GRID1: variants seen among roughly 807,000 people sequenced by gnomAD.
The protein encoded by GRID1 is glutamate receptor ionotropic, delta-1.
A neutral mutation model predicts 98.0 loss-of-function variants in GRID1; 28 were observed. The ratio of observed to expected loss-of-function variants is 0.29; its 90% confidence interval spans 0.21 to 0.39. The LOEUF (loss-of-function observed/expected upper bound fraction) is 0.39, where lower values mean the gene tolerates loss of function less well. Ranked by LOEUF, GRID1 falls within the 10% of genes least tolerant of loss-of-function variation. GRID1 has a pLI of 1.00. For missense variants in GRID1, 1,111 were observed against 1,340.5 expected (o/e 0.83, Z 2.67); for synonymous variants, 553 against 538.5 (o/e 1.03, Z -0.37).
intron 3 of GRID1, among the ~76,000 whole-genome samples, chr10:86,181,323 C>G (rs1589400991): frequency 6.6e-6 from 1 of 152,068 alleles, no homozygotes; most frequent in Non-Finnish European, 1.5e-5. Context: ...GCCCCCAGGA[C>G]CTGGCTCTCC....
intron 12 of GRID1, among the ~76,000 whole-genome samples, chr10:85,700,381 C>T (rs1258297662): frequency 6.6e-6 from 1 of 152,170 alleles, no homozygotes; most frequent in African/African-American, 2.4e-5. Flanking sequence ...GACAACTATG[C>T]CTTGTTGTCT....
At chr10:86,114,336 G>T (rs948370282) in intron 4 of GRID1, among the ~76,000 whole-genome samples, 2 of 152,142 alleles carry the variant, frequency 1.3e-5, no homozygotes, top group Non-Finnish European at 2.9e-5. Flanking sequence ...CAAGCCTGGG[G>T]AGTGGACAGG....
intron 2 of GRID1, among the ~76,000 whole-genome samples, chr10:86,337,084 C>A (rs963960599): frequency 6.6e-6 from 1 of 151,892 alleles, no homozygotes; most frequent in African/African-American, 2.4e-5. Context: ...ATCTCCTGAC[C>A]TCGTGATCCG....
At position 85,599,802 on chromosome 10, in the gene GRID1, A is replaced by AAAAAAAAAAAAAAAAAAAAAAAAAATAT; in HGVS notation, c.*2470_*2471insATATTTTTTTTTTTTTTTTTTTTTTTTT. The AAAAAAAAAAAAAAAAAAAAAAAAAATAT allele has an allele frequency of 1.5e-5, 1 of 64,984 alleles. No individual in the cohort carries two copies. The highest frequency in any genetic ancestry group is 9.3e-5 in the African/African-American group (1 of 10,732). 4.0% of individuals were successfully genotyped at this position (64,984 alleles called of 1,614,324 possible). On this transcript the variant is annotated 3_prime_UTR_variant, in exon 16 of 16. Coordinates refer to ENST00000327946, the MANE Select transcript of GRID1 (RefSeq NM_017551.3). The stretch of plus-strand genomic sequence containing the variant: ...GTAGAAAATTCTAAAAAAAAAAAAA[A>AAAAAAAAAAAAAAAAAAAAAAAAAATAT]ATATATATATATATATATAAACATG...
chr10:85,646,950 G>T, intron 13 of GRID1: 4 of 530,520 alleles, frequency 7.5e-6, no homozygotes, highest in Non-Finnish European at 1.4e-5. Context: ...CCATGAGGAG[G>T]GTGGGCCAAA....
chr10:85,919,802 A>G (rs1841676494), intron 4 of GRID1, among the ~76,000 whole-genome samples: 1 of 152,104 alleles, frequency 6.6e-6, no homozygotes, highest in South Asian at 2.1e-4. Flanking sequence ...GAGCCTTTTC[A>G]CTTCTCTGAG....
At chr10:86,147,096 CA>C (rs1376301962) in intron 3 of GRID1, among the ~76,000 whole-genome samples, 1 of 152,192 alleles carries the variant, frequency 6.6e-6, no homozygotes, top group Non-Finnish European at 1.5e-5. Flanking sequence ...GATTCAGCAG[CA>C]AAGGGCTACT....
chr10:86,216,733 C>T (rs1314083407), intron 2 of GRID1, among the ~76,000 whole-genome samples: 1 of 152,150 alleles, frequency 6.6e-6, no homozygotes, highest in Non-Finnish European at 1.5e-5. Context: ...TTCCATGGGG[C>T]CCCAGGCAGG....
chr10:85,764,733 G>A (rs1157695489), intron 8 of GRID1, among the ~76,000 whole-genome samples: 1 of 152,198 alleles, frequency 6.6e-6, no homozygotes, highest in Non-Finnish European at 1.5e-5. Context: ...AAAAACAGCT[G>A]TTTGTGAAGC....
intron 4 of GRID1, among the ~76,000 whole-genome samples, chr10:86,045,085 T>C (rs1224258620): frequency 6.6e-6 from 1 of 152,124 alleles, no homozygotes; most frequent in Non-Finnish European, 1.5e-5. Flanking sequence ...ATGCAAAGAG[T>C]ATGTAGCAAG....
chr10:85,623,410 C>A (rs1426138922), intron 13 of GRID1, among the ~76,000 whole-genome samples: 1 of 152,200 alleles, frequency 6.6e-6, no homozygotes, highest in Non-Finnish European at 1.5e-5. Context: ...TCCTGCCCCA[C>A]AAAAACTCTA....
intron 3 of GRID1, among the ~76,000 whole-genome samples, chr10:86,169,289 C>A (rs1344557387): frequency 6.6e-6 from 1 of 152,222 alleles, no homozygotes; most frequent in African/African-American, 2.4e-5. Context: ...GCTTGTCAAG[C>A]CACGCTGTAG....
At chr10:85,966,216 C>T (rs1842334492) in intron 4 of GRID1, among the ~76,000 whole-genome samples, 1 of 152,130 alleles carries the variant, frequency 6.6e-6, no homozygotes, top group Non-Finnish European at 1.5e-5. Flanking sequence ...ATCACAAATA[C>T]CTGAGTCTGT....
intron 4 of GRID1, among the ~76,000 whole-genome samples, chr10:85,979,552 C>T (rs1283780080): frequency 6.6e-6 from 1 of 152,206 alleles, no homozygotes; most frequent in Non-Finnish European, 1.5e-5. Context: ...TTCACATCAT[C>T]TTCCCTCTGT....
chr10:86,063,818 T>C (rs1280120629), intron 4 of GRID1, among the ~76,000 whole-genome samples: 1 of 152,206 alleles, frequency 6.6e-6, no homozygotes, highest in Non-Finnish European at 1.5e-5. Flanking sequence ...CTCAGGGGCC[T>C]GTTTTTATAA....
chr10:85,870,325 T>C (rs1347276174), intron 5 of GRID1, among the ~76,000 whole-genome samples: 2 of 152,236 alleles, frequency 1.3e-5, no homozygotes, highest in Non-Finnish European at 2.9e-5. Context: ...CCAGCGATTT[T>C]CCAGCCGCTC....
intron 2 of GRID1, among the ~76,000 whole-genome samples, chr10:86,299,157 GC>G (rs1181233993): frequency 6.6e-6 from 1 of 150,830 alleles, no homozygotes; most frequent in Non-Finnish European, 1.5e-5. Flanking sequence ...ATGTGGTACT[GC>G]AGGACAACAA....
intron 8 of GRID1, among the ~76,000 whole-genome samples, chr10:85,746,287 G>A (rs1313198173): frequency 6.6e-6 from 1 of 152,098 alleles, no homozygotes; most frequent in Non-Finnish European, 1.5e-5. Context: ...CCTTTAGAGA[G>A]GGAGTTGAGA....
chr10:85,939,511 A>G (rs1356011227), intron 4 of GRID1, among the ~76,000 whole-genome samples: 1 of 151,924 alleles, frequency 6.6e-6, no homozygotes. Context: ...TCTAGAAGCC[A>G]CTCTCATTCC....
Sources: gnomAD v4.1 joint callset for allele counts (sites outside exome capture counted in the v4.1 genomes callset) on GRCh38, gnomAD v4.1.1 for gene constraint, MANE v1.5 for transcripts, NCBI Gene and HGNC (gene_info 2026-07-23, HGNC 2026-07-21) for gene names.